The following STMN3 variants were observed in gnomAD, a reference collection of about 807,000 sequenced individuals.
STMN3 encodes the protein stathmin 3, also known as stathmin-3.
STMN3 carries 24 observed loss-of-function variants against 23.2 expected under a neutral mutation model. That is an observed-to-expected ratio of 1.03 (90% CI 0.75 to 1.45). The LOEUF (loss-of-function observed/expected upper bound fraction) is 1.45. Among genes scored for constraint, STMN3 ranks in the 40% most tolerant of loss-of-function variants. The pLI, the probability that STMN3 is intolerant of heterozygous loss-of-function variation, is 0.00. For missense variants in STMN3, 235 were observed against 237.6 expected (o/e 0.99, Z 0.07); for synonymous variants, 117 against 103.4 (o/e 1.13, Z -0.80).
At chr20:63,645,516 C>T (rs6062293) in intron 1 of STMN3, among the ~76,000 whole-genome samples, 68,215 of 152,010 alleles carry the variant, frequency 0.45, 15,787 homozygotes, top group Middle Eastern at 0.49. Flanking sequence ...AGAAGCAAGC[C>T]GGGCTCCTGT....
chr20:63,644,036 G>A, intron 2 of STMN3, 105 bp from the exon 3 acceptor site: 1 of 1,484,154 alleles, frequency 6.7e-7, no homozygotes, highest in Admixed American at 2.1e-5. Context: ...TGGGCGAGAG[G>A]GGGTGGCTGC....
intron 1 of STMN3, among the ~76,000 whole-genome samples, chr20:63,650,400 T>C (rs1293331212): frequency 6.6e-6 from 1 of 152,090 alleles, no homozygotes; most frequent in Non-Finnish European, 1.5e-5. Context: ...CAGCAGGGTA[T>C]AGTAGTGCCC....
intron 1 of STMN3, among the ~76,000 whole-genome samples, chr20:63,648,407 AC>A (rs1254524809): frequency 6.6e-6 from 1 of 152,024 alleles, no homozygotes; most frequent in Non-Finnish European, 1.5e-5. Context: ...CCAGGCCCCT[AC>A]CCTTCAGCTC....
intron 1 of STMN3, among the ~76,000 whole-genome samples, chr20:63,650,722 G>A (rs1273832729): frequency 4.5e-4 from 4 of 8,882 alleles, no homozygotes; most frequent in African/African-American, 1.1e-3. Context: ...CCGCCCGCCC[G>A]GGTGGATGGT....
intron 1 of STMN3, among the ~76,000 whole-genome samples, chr20:63,647,912 ATATATTAATATATATACG>A (rs1164676266): frequency 8.6e-6 from 1 of 116,584 alleles, no homozygotes; most frequent in African/African-American, 3.1e-5. Flanking sequence ...ACACGTGTGT[ATATATTAATATATATACG>A]TATATATGTG....
intron 3 of STMN3, among the ~76,000 whole-genome samples, chr20:63,643,174 C>A (rs1261484340): frequency 1.3e-5 from 2 of 152,188 alleles, no homozygotes; most frequent in African/African-American, 4.8e-5. Flanking sequence ...CACCCCCTAG[C>A]ATCCTGCTGG....
intron 1 of STMN3, among the ~76,000 whole-genome samples, chr20:63,646,596 G>A (rs1015449740): frequency 2.0e-5 from 3 of 151,560 alleles, no homozygotes; most frequent in Admixed American, 6.6e-5. Flanking sequence ...CTCGTGATCC[G>A]CCCGCCTCGA....
chr20:63,648,314 C>T (rs2089834215), intron 1 of STMN3, among the ~76,000 whole-genome samples: 2 of 151,940 alleles, frequency 1.3e-5, no homozygotes, highest in Admixed American at 6.6e-5. Flanking sequence ...CAGAACGTAC[C>T]TGGGTCCTGA....
At chr20:63,647,981 C>T (rs371546181) in intron 1 of STMN3, among the ~76,000 whole-genome samples, 42,275 of 67,108 alleles carry the variant, frequency 0.63, 13,242 homozygotes, top group Admixed American at 0.68. Context: ...TATATATATA[C>T]ATATATATAT....
At position 63,642,291 on chromosome 20, in the gene STMN3, C is replaced by T. The variant is rs982986070; in HGVS notation, c.300G>A (p.Glu100=). 12 of 1,527,268 alleles carry T rather than the reference C, an allele frequency of 7.9e-6. No individual in the cohort carries two copies. Among genetic ancestry groups the T allele is most frequent in the South Asian group, 1.2e-5 (1 of 82,958 alleles). 94.6% of individuals were successfully genotyped at this position (1,527,268 alleles called of 1,614,324 possible). A position where few individuals can be genotyped will look rare whatever the true frequency, so the allele number is the denominator to read the frequency against. ...EAAEERRKTQ[E]AQVLKQLAER... ...CCGCCAGCTGCTTCAGCACCTGCGC[C>T]TCCTGCGTCTGTGCGGGGCCGGCGG... The change falls in exon 4 of 5, where the codon GAG becomes GAA. Residue 100 remains glutamate, a synonymous_variant. Coordinates refer to ENST00000370053, the MANE Select transcript of STMN3 (RefSeq NM_015894.4).
At chr20:63,645,139 G>A (rs2089800014) in intron 1 of STMN3, among the ~76,000 whole-genome samples, 1 of 151,978 alleles carries the variant, frequency 6.6e-6, no homozygotes, top group African/African-American at 2.4e-5. Context: ...ACCTCCCTCT[G>A]TCCCGCTACT....
At chr20:63,643,698 T>A in intron 3 of STMN3, 58 bp downstream of exon 3, 1 of 1,477,040 alleles carries the variant, frequency 6.8e-7, no homozygotes, top group Non-Finnish European at 8.9e-7. Flanking sequence ...GCAGGCCCTG[T>A]CCCCGTGGGC....
intron 1 of STMN3, among the ~76,000 whole-genome samples, chr20:63,646,503 G>A (rs904002891): frequency 4.6e-5 from 7 of 150,894 alleles, no homozygotes; most frequent in South Asian, 2.1e-4. Context: ...CACAGGCACC[G>A]CCACCACACC....
In STMN3 at chr20:63,640,851, G is replaced by C. The variant is rs2089754462; in HGVS notation, c.*487C>G. On this transcript the variant is annotated 3_prime_UTR_variant, in exon 5 of 5. Transcript: ENST00000370053. ...CAACAAGCACCGGCTGCACACGCAGGCTCCCAGGCACCATCACCCCCCTCC... is the reference window on the plus strand; with the variant it reads ...CAACAAGCACCGGCTGCACACGCAGCCTCCCAGGCACCATCACCCCCCTCC... The C allele has an allele frequency of 4.4e-6, 1 of 225,178 alleles. No homozygotes were observed. Among genetic ancestry groups the C allele is most frequent in the Admixed American group, 5.3e-5 (1 of 18,788 alleles). 13.9% of individuals were successfully genotyped at this position (225,178 alleles called of 1,614,324 possible).
intron 1 of STMN3, among the ~76,000 whole-genome samples, chr20:63,649,102 C>T (rs2089838880): frequency 6.6e-6 from 1 of 152,152 alleles, no homozygotes; most frequent in Admixed American, 6.5e-5. Context: ...CTGATGGCCA[C>T]GGAGACCCCC....
intron 1 of STMN3, among the ~76,000 whole-genome samples, chr20:63,647,714 G>T (rs1348107232): frequency 9.2e-6 from 1 of 109,054 alleles, no homozygotes; most frequent in Non-Finnish European, 2.0e-5. Flanking sequence ...ATATACACGT[G>T]TATATATATT....
chr20:63,642,419 C>A, intron 3 of STMN3, 120 bp from the exon 4 acceptor site: 1 of 510,406 alleles, frequency 2.0e-6, no homozygotes. Flanking sequence ...TCCACCTGCC[C>A]AGGCCTCGGT....
At chr20:63,642,354 G>C (rs561267784) in intron 3 of STMN3, 55 bp from the exon 4 acceptor site, 14 of 1,302,128 alleles carry the variant, frequency 1.1e-5, no homozygotes, top group Non-Finnish European at 1.1e-5. Context: ...TGCCCGGCCG[G>C]ACTCCTCCCT....
intron 1 of STMN3, among the ~76,000 whole-genome samples, chr20:63,647,698 T>G (rs940373391): frequency 8.3e-6 from 1 of 120,684 alleles, no homozygotes; most frequent in East Asian, 2.1e-4. Flanking sequence ...TGTATATATA[T>G]AATATATATA....
Sources: allele counts gnomAD v4.1 joint callset (sites outside exome capture counted in the v4.1 genomes callset), GRCh38; gene constraint gnomAD v4.1.1; transcripts MANE v1.5; gene names NCBI Gene and HGNC (gene_info 2026-07-23, HGNC 2026-07-21).